Variants in TNXB observed in about 807,000 individuals in gnomAD.
TNXB encodes the protein tenascin XB.
TNXB carries 183 observed loss-of-function variants against 340.5 expected under a neutral mutation model. That is an observed-to-expected ratio of 0.54 (90% CI 0.48 to 0.61). The LOEUF is 0.61. Among genes scored for constraint, TNXB ranks in the 20% least tolerant of loss-of-function variants. The pLI, the probability that TNXB is intolerant of heterozygous loss-of-function variation, is 0.00. For missense variants in TNXB, 4,613 were observed against 5,446.4 expected, an observed-to-expected ratio of 0.85 and a Z score of 4.82; for synonymous variants, 2,121 against 2,314.5, an observed-to-expected ratio of 0.92 and a Z score of 2.40.
At chr6:32,060,269 T>C (rs1160890101) in intron 21 of TNXB, among the ~76,000 whole-genome samples, 5 of 145,228 alleles carry the variant, frequency 3.4e-5, no homozygotes, top group Non-Finnish European at 7.6e-5. Flanking sequence ...GAGGCAGAGG[T>C]TGTAGTGAGC....
chr6:32,067,911 C>T lies in TNXB; in HGVS notation c.6294G>A (p.Leu2098=), dbSNP rs558446541. The change falls in exon 18 of 44, where the codon CTG becomes CTA. Residue 2098 remains leucine, a synonymous_variant. Transcript: ENST00000644971. The surrounding 1 kb of genome is among the most constrained non-coding windows in gnomAD (Gnocchi z 4.2). ...EAPEPAEEPL[L]GELTVTGSSP... Reference sequence around the variant, plus strand: ...AGGATCCTGTCACTGTTAGCTCCCCCAGGAGCGGCTCCTCAGCGGGCTCCG... The same window carrying T: ...AGGATCCTGTCACTGTTAGCTCCCCTAGGAGCGGCTCCTCAGCGGGCTCCG... The T allele has an allele frequency of 6.2e-7, 1 of 1,612,682 alleles. No homozygotes were observed. The highest frequency in any genetic ancestry group is 8.5e-7 in the Non-Finnish European group (1 of 1,179,876).
chr6:32,107,193 T>G (rs1781026909), intron 1 of TNXB, among the ~76,000 whole-genome samples: 1 of 152,202 alleles, frequency 6.6e-6, no homozygotes, highest in Non-Finnish European at 1.5e-5. Flanking sequence ...CCCGTACCCC[T>G]GGAGGCCTCT....
Position 32,087,334 on chromosome 6 carries a change from C to A in TNXB, c.2780-1216G>T, listed in dbSNP as rs1205604872. On this transcript the variant is annotated intron_variant, in intron 6 of 43. Coordinates refer to ENST00000644971, the MANE Select transcript of TNXB (RefSeq NM_001365276.2). This position sits in a 1 kb window ranked among gnomAD's most constrained non-coding sequence, Gnocchi z 9.0. ...CTCCACGTGGTAGGTGGTGCCGGGC[C>A]TGAGGTCGGGCAGGCTGACGGTGCG... 1 of 486,856 alleles carries A rather than the reference C, an allele frequency of 2.1e-6. No individual in the cohort carries two copies. Among genetic ancestry groups the A allele is most frequent in the Admixed American group, 2.2e-5 (1 of 46,338 alleles). The allele number at this position is 486,856 out of a possible 1,614,324, so 30.2% of individuals were successfully genotyped here.
chr6:32,084,296 G>T lies in TNXB; in HGVS notation c.3445+117C>A. On this transcript the variant is annotated intron_variant, in intron 8 of 43. Transcript: ENST00000644971. The surrounding 1 kb of genome is among the most constrained non-coding windows in gnomAD (Gnocchi z 5.5). ...ACCACTACTTTCCCTTCAGAATTCAGCTCATGCACCACTGCCTCCAGGAAG... is the reference window on the plus strand; with the variant it reads ...ACCACTACTTTCCCTTCAGAATTCATCTCATGCACCACTGCCTCCAGGAAG... 9.8e-7 allele frequency: 1 copy of T among 1,020,882 alleles called. No homozygotes were observed. The highest frequency in any genetic ancestry group is 1.4e-6 in the Non-Finnish European group (1 of 727,194). 63.2% of individuals were successfully genotyped at this position (1,020,882 alleles called of 1,614,324 possible).
Position 32,100,065 on chromosome 6 carries a change from A to G in TNXB, c.-8-1859T>C, listed in dbSNP as rs117767511. 8.9e-4 allele frequency among the ~76,000 whole-genome samples: 136 copies of G among 151,998 alleles called. 2 individuals are homozygous for G. The East Asian group carries it at 0.025, about 28-fold the overall frequency. ...AAGTAAAGCAATATCTTTCATAGCAATATCTTACAGAAAATTTCTGACCTT... is the reference window on the plus strand; with the variant it reads ...AAGTAAAGCAATATCTTTCATAGCAGTATCTTACAGAAAATTTCTGACCTT... On this transcript the variant is annotated intron_variant, in intron 1 of 43. Coordinates refer to ENST00000644971, the MANE Select transcript of TNXB (RefSeq NM_001365276.2).
chr6:32,062,331 G>T lies in TNXB; in HGVS notation c.6994C>A (p.His2332Asn). Residue 2332 changes from histidine (H) to asparagine (N), a missense_variant, in exon 20 of 44, where the codon CAC becomes AAC. Physicochemically the swap from His to Asn is moderately conservative, Grantham distance 68. This residue lies in a region of TNXB where 4,327 missense variants were observed against 4,859.4 expected (regional missense o/e 0.89). Transcript: ENST00000644971. This position sits in a 1 kb window ranked among gnomAD's most constrained non-coding sequence, Gnocchi z 4.3. ...CCATTCTTGTACTGGACCAGGAAGT[G>T]GTCAAACTGTCCCTCGGGAACCGTC... ...SWTVPEGQFD[H>N]FLVQYKNGDG... The T allele has an allele frequency of 6.2e-7, 1 of 1,613,538 alleles. No individual in the cohort carries two copies. Among genetic ancestry groups the T allele is most frequent in the Non-Finnish European group, 8.5e-7 (1 of 1,179,866 alleles).
In TNXB at chr6:32,047,992, G is replaced by C. The variant is rs2151890106; in HGVS notation, c.10066C>G (p.Pro3356Ala). 1 of 1,609,478 alleles carries C rather than the reference G, an allele frequency of 6.2e-7. No homozygotes were observed. The highest frequency in any genetic ancestry group is 2.2e-5 in the East Asian group (1 of 44,846). ...GTCACAGTCAGCTCCCCCAGGCGGG[G>C]AGACGGTTTGGTGTCTGGGGCTGGA... ...ARTAPDTKPS[P>A]RLGELTVTDA... Residue 3356 changes from proline to alanine, a missense_variant, in exon 30 of 44, where the codon CCC (proline) becomes GCC (alanine). Transcript: ENST00000644971. The surrounding 1 kb of genome is among the most constrained non-coding windows in gnomAD (Gnocchi z 6.2).
chr6:32,052,900 C>A lies in TNXB; in HGVS notation c.8885G>T (p.Gly2962Val), dbSNP rs1777379654. 2.5e-6 allele frequency: 4 copies of A among 1,612,724 alleles called. No individual in the cohort carries two copies. Among genetic ancestry groups the A allele is most frequent in the Non-Finnish European group, 3.4e-6 (4 of 1,179,850 alleles). ...EPLLGELTVT[G>V]SSPDSLSLSW... is the part of the protein sequence containing the mutation. ...GAGGCTCAGCGAGTCAGGGGAGGAT[C>A]CTGTCACTGTCAGCTCCCCCAGGAG... The change falls in exon 26 of 44, where the codon GGA (glycine) becomes GTA (valine). Residue 2962 changes from glycine (G) to valine (V), a missense_variant. Gly to Val is a moderately radical substitution (Grantham distance 109, BLOSUM62 -3). Around this residue, in one of 7 missense-constraint regions of TNXB, gnomAD observed 4,327 missense variants for 4,859.4 expected, o/e 0.89. Transcript: ENST00000644971. This position sits in a 1 kb window ranked among gnomAD's most constrained non-coding sequence, Gnocchi z 4.7.
intron 23 of TNXB, 88 bp from the exon 24 acceptor site, chr6:32,056,262 A>G: frequency 1.4e-6 from 2 of 1,460,256 alleles, no homozygotes; most frequent in Non-Finnish European, 1.9e-6. Flanking sequence ...CATGGCCACT[A>G]CTGGGTATGT....
intron 4 of TNXB, among the ~76,000 whole-genome samples, chr6:32,094,314 T>C (rs2127283322): frequency 6.6e-6 from 1 of 151,712 alleles, no homozygotes; most frequent in African/African-American, 2.4e-5. Flanking sequence ...AAAGTGTATA[T>C]AGTTGAATGT....
Position 32,049,723 on chromosome 6 carries a change from G to A in TNXB, c.9440-136C>T. Reference sequence around the variant, plus strand: ...TCCATTCTTGGGGCTGGGTGGTCCTGCTCAGCTGACAGCTAACACACGTAA... The same window carrying A: ...TCCATTCTTGGGGCTGGGTGGTCCTACTCAGCTGACAGCTAACACACGTAA... On this transcript the variant is annotated intron_variant, in intron 27 of 43. Coordinates refer to ENST00000644971, the MANE Select transcript of TNXB (RefSeq NM_001365276.2). The surrounding 1 kb of genome is among the most constrained non-coding windows in gnomAD (Gnocchi z 4.5). 8.3e-7 allele frequency: 1 copy of A among 1,200,060 alleles called. No individual in the cohort carries two copies. The highest frequency in any genetic ancestry group is 1.1e-6 in the Non-Finnish European group (1 of 873,844). The allele number at this position is 1,200,060 out of a possible 1,614,324, so 74.3% of individuals were successfully genotyped here. A position where few individuals can be genotyped will look rare whatever the true frequency, so the allele number is the denominator to read the frequency against.
chr6:32,057,533 G>A (rs1777739986), intron 22 of TNXB, among the ~76,000 whole-genome samples: 1 of 152,160 alleles, frequency 6.6e-6, no homozygotes, highest in South Asian at 2.1e-4. Context: ...AGCTGCTGGG[G>A]CCATCTCAGC....
intron 11 of TNXB, among the ~76,000 whole-genome samples, chr6:32,077,053 G>A (rs1432075727): frequency 1.3e-5 from 2 of 152,142 alleles, no homozygotes; most frequent in Non-Finnish European, 2.9e-5. Flanking sequence ...AAGGAACTCA[G>A]TTTGTCAGAT....
At chr6:32,071,455 T>C (rs190841181) in intron 13 of TNXB, among the ~76,000 whole-genome samples, 28 of 152,050 alleles carry the variant, frequency 1.8e-4, no homozygotes, top group Admixed American at 1.8e-3. Flanking sequence ...AAGAGGCCTG[T>C]AGGGGCTTCC....
Position 32,041,506 on chromosome 6 carries a change from C to T in TNXB, c.12634-56G>A, listed in dbSNP as rs192857045. 1.5e-4 allele frequency: 184 copies of T among 1,240,316 alleles called. 2 individuals are homozygous for T. In the East Asian group the frequency reaches 2.8e-3, roughly 19 times the overall value. The allele number at this position is 1,240,316 out of a possible 1,614,324, so 76.8% of individuals were successfully genotyped here. Reference sequence around the variant, plus strand: ...AGCCGGATGTCCCATCTGCTCTTCCCGTTCCCCTTAAGGAGGTAGCTCCCA... The same window carrying T: ...AGCCGGATGTCCCATCTGCTCTTCCTGTTCCCCTTAAGGAGGTAGCTCCCA... On this transcript the variant is annotated intron_variant, in intron 43 of 43. Transcript: ENST00000644971.
Position 32,079,150 on chromosome 6 carries a change from C to A in TNXB, c.4258G>T (p.Gly1420Cys), listed in dbSNP as rs1435420982. The A allele has an allele frequency of 1.9e-6, 3 of 1,613,886 alleles. No homozygotes were observed. The South Asian group carries it at 3.3e-5, about 18-fold the overall frequency. ...CCCACGGTGACCTCACTCTCCTTGC[C>A]CCCAACACGCACCGCCCGGGGCCGC... Reference protein sequence around the residue: ...DGRPRAVRVGGKESEVTVGGL... With the variant: ...DGRPRAVRVGCKESEVTVGGL... The change falls in exon 11 of 44, where the codon GGC becomes TGC. Residue 1420 changes from glycine (G) to cysteine (C), a missense_variant. Around this residue, in one of 7 missense-constraint regions of TNXB, gnomAD observed 4,327 missense variants for 4,859.4 expected, o/e 0.89. Coordinates refer to ENST00000644971, the MANE Select transcript of TNXB (RefSeq NM_001365276.2). This position sits in a 1 kb window ranked among gnomAD's most constrained non-coding sequence, Gnocchi z 7.1.
rs1780027114 is a variant in TNXB, at chr6:32,090,495, C to T, written c.2359-1116G>A. 6.6e-6 allele frequency among the ~76,000 whole-genome samples: 1 copy of T among 152,178 alleles called. No homozygotes were observed. Among genetic ancestry groups the T allele is most frequent in the Non-Finnish European group, 1.5e-5 (1 of 68,022 alleles). The stretch of plus-strand genomic sequence containing the variant: ...CCAGCTAGGACAGCCGCTAAGGATG[C>T]TGTGTTCTGCCTAGCTATGTTGGCT... On this transcript the variant is annotated intron_variant, in intron 4 of 43. Transcript: ENST00000644971. The surrounding 1 kb of genome is among the most constrained non-coding windows in gnomAD (Gnocchi z 4.3).
Position 32,052,648 on chromosome 6 carries a change from C to G in TNXB, c.9115+22G>C. 1 of 1,605,608 alleles carries G rather than the reference C, an allele frequency of 6.2e-7. No homozygotes were observed. Among genetic ancestry groups the G allele is most frequent in the Non-Finnish European group, 8.5e-7 (1 of 1,173,462 alleles). ...TCTTCCAGGGCCATCTTCCCCACCT[C>G]GCCTCACTCACACTTACTCACCTGT... On this transcript the variant is annotated intron_variant, in intron 26 of 43. Coordinates refer to ENST00000644971, the MANE Select transcript of TNXB (RefSeq NM_001365276.2). The surrounding 1 kb of genome is among the most constrained non-coding windows in gnomAD (Gnocchi z 4.7).
chr6:32,070,253 G>C lies in TNXB; in HGVS notation c.5152C>G (p.Pro1718Ala), dbSNP rs1184261035. ...ACAGAGCGCTCATGGCCCTCCACGGGCACCACCTGGGGCCCGTCTTTGTCC... is the reference window on the plus strand; with the variant it reads ...ACAGAGCGCTCATGGCCCTCCACGGCCACCACCTGGGGCCCGTCTTTGTCC... Reference protein sequence around the residue: ...FKDKDGPQVVPVEGHERSVTV... With the variant: ...FKDKDGPQVVAVEGHERSVTV... Residue 1718 changes from proline to alanine, a missense_variant, in exon 14 of 44, where the codon CCC becomes GCC. Coordinates refer to ENST00000644971, the MANE Select transcript of TNXB (RefSeq NM_001365276.2). This position sits in a 1 kb window ranked among gnomAD's most constrained non-coding sequence, Gnocchi z 6.0. 2.5e-6 allele frequency: 4 copies of C among 1,612,874 alleles called. No homozygotes were observed. Among genetic ancestry groups the C allele is most frequent in the East Asian group, 4.5e-5 (2 of 44,828 alleles).
Sources: allele counts gnomAD v4.1 joint callset (sites outside exome capture counted in the v4.1 genomes callset), GRCh38; gene constraint gnomAD v4.1.1; regional missense constraint gnomAD v4.1.1; non-coding constraint Gnocchi (gnomAD v3.1); transcripts MANE v1.5; gene names NCBI Gene and HGNC (gene_info 2026-07-23, HGNC 2026-07-21).